STMN2: variants seen among roughly 807,000 people sequenced by gnomAD.
STMN2 encodes stathmin-2.
A neutral mutation model predicts 24.1 loss-of-function variants in STMN2; 2 were observed. The observed-to-expected ratio is 0.08, with a 90% CI of 0.03 to 0.26. The LOEUF (loss-of-function observed/expected upper bound fraction) is 0.26, where lower values mean the gene tolerates loss of function less well. Ranked by LOEUF, STMN2 falls within the 10% of genes least tolerant of loss-of-function variation. The pLI, the probability that STMN2 is intolerant of heterozygous loss-of-function variation, is 1.00. For missense variants in STMN2, 114 were observed against 213.6 expected (o/e 0.53, Z 2.91); for synonymous variants, 83 against 77.5 (o/e 1.07, Z -0.37).
chr8:79,640,576 A>T (rs918755243), intron 2 of STMN2, among the ~76,000 whole-genome samples: 1 of 152,200 alleles, frequency 6.6e-6, no homozygotes, highest in Non-Finnish European at 1.5e-5. Context: ...ACACTAGAGG[A>T]GGATATTCTA....
intron 4 of STMN2, among the ~76,000 whole-genome samples, chr8:79,658,563 A>G (rs1414361156): frequency 1.3e-5 from 2 of 152,166 alleles, no homozygotes; most frequent in Admixed American, 6.5e-5. Context: ...ATATCAGTAA[A>G]AGTAAATTCA....
At chr8:79,612,687 A>T (rs1241728829) in intron 1 of STMN2, among the ~76,000 whole-genome samples, 2 of 152,162 alleles carry the variant, frequency 1.3e-5, no homozygotes, top group African/African-American at 4.8e-5. Flanking sequence ...GTCCTGTGGC[A>T]GCTGGAAGCA....
At chr8:79,611,731 G>A (rs1809229983) in intron 1 of STMN2, 1 of 984,970 alleles carries the variant, frequency 1.0e-6, no homozygotes, top group South Asian at 4.6e-5. Flanking sequence ...AGAGAACTGG[G>A]CACATTTTAC....
intron 1 of STMN2, among the ~76,000 whole-genome samples, chr8:79,611,491 C>T (rs1809218765): frequency 6.6e-6 from 1 of 151,916 alleles, no homozygotes; most frequent in African/African-American, 2.4e-5. Context: ...AAAATTAGGA[C>T]TCAATCGTGA....
chr8:79,627,058 T>G (rs1171175811), intron 1 of STMN2, among the ~76,000 whole-genome samples: 1 of 152,204 alleles, frequency 6.6e-6, no homozygotes, highest in Non-Finnish European at 1.5e-5. Context: ...TTAGGAATTG[T>G]CACCACATTC....
chr8:79,660,818 C>T (rs1032204187), intron 4 of STMN2, among the ~76,000 whole-genome samples: 5 of 151,904 alleles, frequency 3.3e-5, no homozygotes, highest in African/African-American at 9.7e-5. Context: ...AACCTTCCCC[C>T]ACAAGTCTCT....
At chr8:79,622,898 A>G (rs1809550774) in intron 1 of STMN2, among the ~76,000 whole-genome samples, 1 of 152,104 alleles carries the variant, frequency 6.6e-6, no homozygotes, top group Non-Finnish European at 1.5e-5. Context: ...TTCTTTCTTA[A>G]CATCTTATCA....
chr8:79,650,717 G>A (rs1367388814), intron 3 of STMN2, among the ~76,000 whole-genome samples: 1 of 152,176 alleles, frequency 6.6e-6, no homozygotes, highest in African/African-American at 2.4e-5. Context: ...TGGGGTAGCA[G>A]AGACCTCAGG....
In STMN2 at chr8:79,641,699, G is replaced by A. The variant is rs2130360246; in HGVS notation, c.288+149G>A. On this transcript the variant is annotated intron_variant, in intron 3 of 4. Transcript: ENST00000220876. ...ACAGAGAGCAATGACAGCTGAACCTGTGCCATGCCAACATGTATAGGTTTT... is the reference window on the plus strand; with the variant it reads ...ACAGAGAGCAATGACAGCTGAACCTATGCCATGCCAACATGTATAGGTTTT... The A allele has an allele frequency of 5.4e-6, 4 of 739,878 alleles. No individual in the cohort carries two copies. The East Asian group carries it at 1.1e-4, about 21-fold the overall frequency. 45.8% of individuals were successfully genotyped at this position (739,878 alleles called of 1,614,324 possible). A position where few individuals can be genotyped will look rare whatever the true frequency, so the allele number is the denominator to read the frequency against.
chr8:79,621,697 A>T (rs898447653), intron 1 of STMN2, among the ~76,000 whole-genome samples: 1 of 152,216 alleles, frequency 6.6e-6, no homozygotes, highest in Non-Finnish European at 1.5e-5. Context: ...GATGGCAACC[A>T]TCAAGCTTAG....
At chr8:79,635,527 T>TG (rs1458684788) in intron 1 of STMN2, among the ~76,000 whole-genome samples, 7 of 152,164 alleles carry the variant, frequency 4.6e-5, no homozygotes, top group South Asian at 2.1e-4. Context: ...TATGGCAGAT[T>TG]GGATAAAGAA....
At chr8:79,635,917 AAAAG>A (rs1042109050) in intron 1 of STMN2, among the ~76,000 whole-genome samples, 3 of 152,250 alleles carry the variant, frequency 2.0e-5, no homozygotes, top group South Asian at 2.1e-4. Flanking sequence ...AATTAAAAAA[AAAAG>A]AAAGAAAGAA....
chr8:79,632,215 G>A (rs778998970), intron 1 of STMN2, among the ~76,000 whole-genome samples: 14 of 152,052 alleles, frequency 9.2e-5, no homozygotes, highest in South Asian at 2.1e-4. Flanking sequence ...TTTCTGCCAC[G>A]TATATATAAA....
chr8:79,627,207 T>C (rs533080139), intron 1 of STMN2, among the ~76,000 whole-genome samples: 2 of 152,164 alleles, frequency 1.3e-5, no homozygotes, highest in African/African-American at 2.4e-5. Flanking sequence ...AAATAGGACA[T>C]AAAGGGGAGC....
intron 1 of STMN2, among the ~76,000 whole-genome samples, chr8:79,615,824 G>A (rs142498002): frequency 5.6e-4 from 85 of 152,198 alleles, no homozygotes; most frequent in Middle Eastern, 3.4e-3. Context: ...GTAGATACAC[G>A]CCCTGGTTAA....
At chr8:79,612,163 C>A (rs1174226250) in intron 1 of STMN2, among the ~76,000 whole-genome samples, 5 of 150,698 alleles carry the variant, frequency 3.3e-5, no homozygotes, top group African/African-American at 4.9e-5. Context: ...GGGACAGCGG[C>A]GCCACGCCCC....
chr8:79,647,103 C>T (rs1810234976), intron 3 of STMN2, among the ~76,000 whole-genome samples: 1 of 152,188 alleles, frequency 6.6e-6, no homozygotes, highest in South Asian at 2.1e-4. Context: ...GGGTTAGCAA[C>T]ATTTTCGTTG....
intron 1 of STMN2, among the ~76,000 whole-genome samples, chr8:79,616,603 C>T (rs1369202616): frequency 1.3e-5 from 2 of 152,178 alleles, no homozygotes; most frequent in Non-Finnish European, 2.9e-5. Context: ...ATTCTGACCA[C>T]TAAACACATC....
chr8:79,620,336 C>T (rs1291784378), intron 1 of STMN2, among the ~76,000 whole-genome samples: 1 of 151,892 alleles, frequency 6.6e-6, no homozygotes, highest in Non-Finnish European at 1.5e-5. Flanking sequence ...ACTCCCTCCA[C>T]TGTCCTGTAA....
Sources: gnomAD v4.1 joint callset for allele counts (sites outside exome capture counted in the v4.1 genomes callset) on GRCh38, gnomAD v4.1.1 for gene constraint, MANE v1.5 for transcripts, NCBI Gene and HGNC (gene_info 2026-07-23, HGNC 2026-07-21) for gene names.